Variants in GRHL2 observed in about 807,000 individuals in gnomAD.
GRHL2 encodes the protein grainyhead-like protein 2 homolog.
A neutral mutation model predicts 83.8 loss-of-function variants in GRHL2; 21 were observed. The ratio of observed to expected loss-of-function variants is 0.25; its 90% CI spans 0.18 to 0.36. The LOEUF is 0.36. GRHL2 is among the 10% of genes least tolerant of loss of function. The pLI, the probability that GRHL2 is intolerant of heterozygous loss-of-function variation, is 1.00. For synonymous variants in GRHL2, 280 were observed against 278.9 expected (o/e 1.00, Z -0.04); for missense variants, 623 against 781.8 (o/e 0.80, Z 2.42).
At chr8:101,522,721 T>TTATACA (rs149418092) in intron 1 of GRHL2, among the ~76,000 whole-genome samples, 69 of 149,668 alleles carry the variant, frequency 4.6e-4, no homozygotes, top group African/African-American at 1.2e-3. Flanking sequence ...ACAAGTATGT[T>TTATACA]TATACATATA....
At chr8:101,564,588 T>TTGAGCCCA (rs1811675567) in intron 4 of GRHL2, among the ~76,000 whole-genome samples, 1 of 152,032 alleles carries the variant, frequency 6.6e-6, no homozygotes, top group Non-Finnish European at 1.5e-5. Flanking sequence ...GGAGGATCAT[T>TTGAGCCCA]TGAGCCCATG....
chr8:101,647,099 G>T (rs1176274097), intron 13 of GRHL2, among the ~76,000 whole-genome samples: 1 of 152,220 alleles, frequency 6.6e-6, no homozygotes, highest in Non-Finnish European at 1.5e-5. Flanking sequence ...AAAATGGTTT[G>T]GGGGACCAGG....
chr8:101,505,593 A>C (rs902730734), intron 1 of GRHL2, among the ~76,000 whole-genome samples: 1 of 151,546 alleles, frequency 6.6e-6, no homozygotes, highest in African/African-American at 2.4e-5. Flanking sequence ...AAAAAAAAAA[A>C]AAAACAGTGT....
intron 4 of GRHL2, among the ~76,000 whole-genome samples, chr8:101,567,213 TTAAGAG>T (rs1313106492): frequency 1.3e-5 from 2 of 152,216 alleles, no homozygotes; most frequent in Admixed American, 6.5e-5. Flanking sequence ...CTAAGGTCCT[TTAAGAG>T]TAATCTATCA....
chr8:101,525,524 T>A (rs954344341), intron 1 of GRHL2, among the ~76,000 whole-genome samples: 3 of 149,428 alleles, frequency 2.0e-5, no homozygotes, highest in Admixed American at 6.7e-5. Flanking sequence ...CTTTTTAACC[T>A]TTTTTTTTTC....
Position 101,668,733 on chromosome 8 carries a change from AG to A in GRHL2, c.*2033del, listed in dbSNP as rs1055985838. On this transcript the variant is annotated 3_prime_UTR_variant, in exon 16 of 16. Coordinates refer to ENST00000646743, the MANE Select transcript of GRHL2 (RefSeq NM_024915.4). The stretch of plus-strand genomic sequence containing the variant: ...TGTACTATGCACTTCCCATGCTCCT[AG>A]GGTTAGGAATAGTTTCAAACATGAT... 6.6e-6 allele frequency: 1 copy of A among 152,246 alleles called. No homozygotes were observed. Among genetic ancestry groups the A allele is most frequent in the Non-Finnish European group, 1.5e-5 (1 of 68,074 alleles). The allele number at this position is 152,246 out of a possible 1,614,324, so 9.4% of individuals were successfully genotyped here.
intron 13 of GRHL2, among the ~76,000 whole-genome samples, chr8:101,647,139 C>A (rs1813527593): frequency 6.6e-6 from 1 of 152,176 alleles, no homozygotes; most frequent in Non-Finnish European, 1.5e-5. Flanking sequence ...AATCCCAGCA[C>A]TTTAGGAGGC....
the GRHL2 span, among the ~76,000 whole-genome samples, chr8:101,679,209 C>T: frequency 7.1e-6 from 1 of 140,774 alleles, no homozygotes; most frequent in East Asian, 2.1e-4. Flanking sequence ...ACTAGAATAA[C>T]CAATACAGAG....
intron 14 of GRHL2, 116 bp from the exon 15 acceptor site, chr8:101,664,338 T>TAAA (rs1554598353): frequency 2.0e-5 from 15 of 739,294 alleles, no homozygotes; most frequent in Non-Finnish European, 3.4e-5. Flanking sequence ...GACTCATGAG[T>TAAA]GAAGAGCACT....
chr8:101,661,395 G>A (rs1205490718), intron 14 of GRHL2, among the ~76,000 whole-genome samples: 1 of 152,062 alleles, frequency 6.6e-6, no homozygotes, highest in Non-Finnish European at 1.5e-5. Flanking sequence ...TCCTGGGGAG[G>A]ACTAGTTCCA....
intron 1 of GRHL2, among the ~76,000 whole-genome samples, chr8:101,530,969 A>G (rs1810912601): frequency 6.6e-6 from 1 of 152,112 alleles, no homozygotes; most frequent in Non-Finnish European, 1.5e-5. Context: ...GGTGGCTCAC[A>G]CCTGTAATCC....
intron 7 of GRHL2, among the ~76,000 whole-genome samples, chr8:101,586,292 A>G (rs1002530352): frequency 7.9e-5 from 12 of 151,752 alleles, no homozygotes; most frequent in Non-Finnish European, 1.8e-4. Flanking sequence ...CCCATTTCTC[A>G]ATCCAACATA....
chr8:101,559,378 A>AAAAAAAAAT (rs1811560043), intron 4 of GRHL2, among the ~76,000 whole-genome samples: 1 of 123,062 alleles, frequency 8.1e-6, no homozygotes, highest in Non-Finnish European at 1.8e-5. Context: ...AAAAAAAAAA[A>AAAAAAAAAT]AATTAGCCAG....
chr8:101,572,951 C>T (rs1163391216), intron 5 of GRHL2, among the ~76,000 whole-genome samples: 1 of 152,188 alleles, frequency 6.6e-6, no homozygotes, highest in Non-Finnish European at 1.5e-5. Context: ...AGTACGAAAG[C>T]AGTCATAGAC....
chr8:101,657,127 A>C (rs1813809368), intron 14 of GRHL2, among the ~76,000 whole-genome samples: 1 of 152,204 alleles, frequency 6.6e-6, no homozygotes, highest in Non-Finnish European at 1.5e-5. Flanking sequence ...CTGAAATGTC[A>C]AACACGGCCA....
At chr8:101,643,118 T>C (rs1380881985) in intron 12 of GRHL2, among the ~76,000 whole-genome samples, 1 of 152,064 alleles carries the variant, frequency 6.6e-6, no homozygotes, top group Non-Finnish European at 1.5e-5. Context: ...TATTGAAATC[T>C]CAAAAGATCA....
chr8:101,578,218 C>T (rs1048370560), intron 7 of GRHL2, among the ~76,000 whole-genome samples: 2 of 152,192 alleles, frequency 1.3e-5, no homozygotes, highest in African/African-American at 4.8e-5. Flanking sequence ...CAGCTATTAC[C>T]TGCAGGGCTG....
intron 4 of GRHL2, among the ~76,000 whole-genome samples, chr8:101,566,469 A>G (rs192579907): frequency 6.6e-6 from 1 of 151,698 alleles, no homozygotes; most frequent in Non-Finnish European, 1.5e-5. Context: ...AGCTTCAGTT[A>G]TCATCTGTGT....
chr8:101,658,853 G>A (rs984945932), intron 14 of GRHL2, among the ~76,000 whole-genome samples: 3 of 152,212 alleles, frequency 2.0e-5, no homozygotes, highest in Non-Finnish European at 4.4e-5. Context: ...AAGGAAGTCA[G>A]AATGGTAGTT....
Sources: gnomAD v4.1 joint callset for allele counts (sites outside exome capture counted in the v4.1 genomes callset) on GRCh38, gnomAD v4.1.1 for gene constraint, MANE v1.5 for transcripts, NCBI Gene and HGNC (gene_info 2026-07-23, HGNC 2026-07-21) for gene names.